Variants in SLTM observed in about 807,000 individuals in gnomAD.
SLTM encodes SAFB-like transcription modulator.
A neutral mutation model predicts 134.6 loss-of-function variants in SLTM; 43 were observed. That is an observed-to-expected ratio of 0.32 (90% CI 0.25 to 0.41). The LOEUF (loss-of-function observed/expected upper bound fraction) is 0.41. Ranked by LOEUF, SLTM falls within the 10% of genes least tolerant of loss-of-function variation. The pLI, the probability that SLTM is intolerant of heterozygous loss-of-function variation, is 1.00. For synonymous variants in SLTM, 424 were observed against 432.3 expected, an observed-to-expected ratio of 0.98 and a Z score of 0.24; for missense variants, 1,055 against 1,288.8, an observed-to-expected ratio of 0.82 and a Z score of 2.78.
intron 5 of SLTM, among the ~76,000 whole-genome samples, chr15:58,908,007 G>GTGTA (rs1392062757): frequency 7.9e-5 from 10 of 125,908 alleles, no homozygotes; most frequent in Non-Finnish European, 1.6e-4. Context: ...TGCTGCGTGT[G>GTGTA]TGTGTGTGTG....
At position 58,893,018 on chromosome 15, in the gene SLTM, T is replaced by TA; in HGVS notation, c.1776dup (p.Lys593Ter). ...CTTCTGTAGTCTTTATCTCTTTTTT[T>TA]ATCTAGACTAGCTCTCTCCTTTTCC... On this transcript the variant is annotated frameshift_variant, in exon 14 of 21. Transcript: ENST00000380516. LOFTEE classifies it high-confidence loss of function. 1 of 1,611,436 alleles carries TA rather than the reference T, an allele frequency of 6.2e-7. No homozygotes were observed. Among genetic ancestry groups the TA allele is most frequent in the Non-Finnish European group, 8.5e-7 (1 of 1,179,252 alleles).
At chr15:58,928,164 G>T (rs1330243150) in intron 2 of SLTM, among the ~76,000 whole-genome samples, 3 of 152,164 alleles carry the variant, frequency 2.0e-5, no homozygotes, top group Non-Finnish European at 4.4e-5. Context: ...TCTAAATACT[G>T]TACTGATTAA....
intron 2 of SLTM, chr15:58,921,552 T>C (rs890261569): frequency 9.0e-6 from 4 of 442,694 alleles, no homozygotes; most frequent in Non-Finnish European, 1.8e-5. Flanking sequence ...TACAATACAA[T>C]CACACTGGAC....
chr15:58,881,444 G>C (rs7173317), intron 20 of SLTM, among the ~76,000 whole-genome samples: 113,993 of 151,654 alleles, frequency 0.75, 43,284 homozygotes, highest in Middle Eastern at 0.85. Context: ...GGAGAATCAC[G>C]TGAACCCAGG....
intron 19 of SLTM, among the ~76,000 whole-genome samples, chr15:58,886,690 T>C (rs2034237735): frequency 6.6e-6 from 1 of 152,216 alleles, no homozygotes; most frequent in Non-Finnish European, 1.5e-5. Flanking sequence ...TTAGATAGGC[T>C]CACTTACCAA....
chr15:58,882,181 C>CAAAAAAAGAAAAAAAAAAAAAAAAAAAA (rs2033779562), intron 20 of SLTM, among the ~76,000 whole-genome samples: 1 of 59,526 alleles, frequency 1.7e-5, no homozygotes, highest in Non-Finnish European at 3.1e-5. Context: ...GACTCTGTCT[C>CAAAAAAAGAAAAAAAAAAAAAAAAAAAA]AAAAAAAAAA....
In SLTM at chr15:58,887,033, C is replaced by A. The variant is rs747338802; in HGVS notation, c.2777G>T (p.Gly926Val). 6.2e-7 allele frequency: 1 copy of A among 1,613,434 alleles called. No homozygotes were observed. ...TCTGTCTCCCTCTCTGCTCCCGTAC[C>A]CCGAAGCGCTGCTACGATTCCCAGG... The part of the protein sequence containing the change: ...APPGNRSSAS[G>V]YGSREGDRGV... Residue 926 changes from glycine (G) to valine (V), a missense_variant, in exon 19 of 21, where the codon GGG becomes GTG. Transcript: ENST00000380516.
intron 5 of SLTM, among the ~76,000 whole-genome samples, chr15:58,910,160 G>A (rs2036157131): frequency 6.6e-6 from 1 of 152,112 alleles, no homozygotes; most frequent in Admixed American, 6.5e-5. Flanking sequence ...ATTTTCAAGG[G>A]AAATATGTTT....
chr15:58,918,975 C>T (rs939960362), intron 2 of SLTM, among the ~76,000 whole-genome samples: 1 of 151,392 alleles, frequency 6.6e-6, no homozygotes, highest in Admixed American at 6.6e-5. Context: ...AAGGCAGTGG[C>T]GCAATCTCGG....
In SLTM at chr15:58,879,929, A is replaced by G. The variant is rs2033558353; in HGVS notation, c.*70T>C. 1.2e-5 allele frequency: 19 copies of G among 1,558,760 alleles called. No individual in the cohort carries two copies. Among genetic ancestry groups the G allele is most frequent in the Non-Finnish European group, 1.6e-5 (18 of 1,148,844 alleles). On this transcript the variant is annotated 3_prime_UTR_variant, in exon 21 of 21. Transcript: ENST00000380516. Reference sequence around the variant, plus strand: ...CTCAAGCAAGTCAGAGGTCCTCTTCATAAGTAGTCAAGTAAAGTTTACAGG... The same window carrying G: ...CTCAAGCAAGTCAGAGGTCCTCTTCGTAAGTAGTCAAGTAAAGTTTACAGG...
intron 2 of SLTM, among the ~76,000 whole-genome samples, chr15:58,917,538 C>A (rs2036731137): frequency 6.6e-6 from 1 of 152,184 alleles, no homozygotes; most frequent in Admixed American, 6.5e-5. Context: ...AGAAGAAATT[C>A]TTTAAATACA....
At chr15:58,890,158 A>G (rs1269841494) in intron 15 of SLTM, 123 bp downstream of exon 15, 2 of 1,109,556 alleles carry the variant, frequency 1.8e-6, no homozygotes, top group African/African-American at 3.1e-5. Flanking sequence ...AGGGACACTT[A>G]AAAGCTCCTT....
Position 58,901,249 on chromosome 15 carries a change from A to G in SLTM, c.589+11T>C. ...ATTTTAGCAATTTTTAAGCTCTAGCATCAAACATACCTTTCTCATTTTCTT... is the reference window on the plus strand; with the variant it reads ...ATTTTAGCAATTTTTAAGCTCTAGCGTCAAACATACCTTTCTCATTTTCTT... On this transcript the variant is annotated intron_variant, in intron 6 of 20. Transcript: ENST00000380516. 1.2e-6 allele frequency: 2 copies of G among 1,602,016 alleles called. No individual in the cohort carries two copies. Among genetic ancestry groups the G allele is most frequent in the Non-Finnish European group, 1.7e-6 (2 of 1,174,758 alleles).
At chr15:58,925,695 T>C (rs1171750093) in intron 2 of SLTM, among the ~76,000 whole-genome samples, 2 of 152,194 alleles carry the variant, frequency 1.3e-5, no homozygotes, top group Admixed American at 1.3e-4. Flanking sequence ...ATAATAAACC[T>C]AGAATATGCC....
intron 11 of SLTM, 42 bp from the exon 12 acceptor site, chr15:58,894,029 C>T: frequency 6.2e-7 from 1 of 1,601,928 alleles, no homozygotes; most frequent in Non-Finnish European, 8.5e-7. Flanking sequence ...ATGAGTACTT[C>T]ATAATGTACC....
chr15:58,900,774 A>C (rs1213964686), intron 6 of SLTM: 2 of 164,428 alleles, frequency 1.2e-5, no homozygotes, highest in Non-Finnish European at 2.6e-5. Context: ...ATTGTATTGA[A>C]TGAGACAGCT....
chr15:58,900,921 G>C lies in SLTM; in HGVS notation c.589+339C>G, dbSNP rs2035443415. On this transcript the variant is annotated intron_variant, in intron 6 of 20. Coordinates refer to ENST00000380516, the MANE Select transcript of SLTM (RefSeq NM_024755.4). ...GAGTTATGCACTAGGACTCCAATAA[G>C]CACACATGAGTTACTGCAGTGTCAG... is the stretch of plus-strand genomic sequence containing the variant. 1.3e-5 allele frequency: 3 copies of C among 231,778 alleles called. No individual in the cohort carries two copies. In the South Asian group the frequency reaches 1.7e-4, roughly 13 times the overall value. The allele number at this position is 231,778 out of a possible 1,614,324, so 14.4% of individuals were successfully genotyped here.
At chr15:58,887,847 C>T (rs540779396) in intron 17 of SLTM, among the ~76,000 whole-genome samples, 1 of 152,172 alleles carries the variant, frequency 6.6e-6, no homozygotes, top group East Asian at 1.9e-4. Flanking sequence ...TCAGTGCTTC[C>T]ACAGTTTTAA....
At chr15:58,928,087 G>A (rs1023006725) in intron 2 of SLTM, among the ~76,000 whole-genome samples, 2 of 152,078 alleles carry the variant, frequency 1.3e-5, no homozygotes, top group African/African-American at 2.4e-5. Context: ...ATCATTTTTA[G>A]TCTTTTTAAA....
Sources: gnomAD v4.1 joint callset for allele counts (sites outside exome capture counted in the v4.1 genomes callset) on GRCh38, gnomAD v4.1.1 for gene constraint, MANE v1.5 for transcripts, NCBI Gene and HGNC (gene_info 2026-07-23, HGNC 2026-07-21) for gene names.